CAPN1: variants seen among roughly 807,000 people sequenced by gnomAD.
CAPN1 encodes the protein calpain-1 catalytic subunit.
In CAPN1, 77 loss-of-function variants were observed where a neutral mutation model predicts 105.2. The ratio of observed to expected loss-of-function variants is 0.73; its 90% CI spans 0.61 to 0.88. The LOEUF (loss-of-function observed/expected upper bound fraction) is 0.88. Among genes scored for constraint, CAPN1 ranks in the 40% least tolerant of loss-of-function variants. CAPN1 has a pLI of 0.00. For synonymous variants in CAPN1, 355 were observed against 388.8 expected (o/e 0.91, Z 1.02); for missense variants, 833 against 976.6 (o/e 0.85, Z 1.96).
Position 65,182,693 on chromosome 11 carries a change from T to C in CAPN1, c.-1-8T>C. 2 of 1,543,116 alleles carry C rather than the reference T, an allele frequency of 1.3e-6. No homozygotes were observed. The highest frequency in any genetic ancestry group is 1.2e-5 in the South Asian group (1 of 80,018). On this transcript the variant is annotated splice_region_variant and splice_polypyrimidine_tract_variant and intron_variant, in intron 1 of 21. Coordinates refer to ENST00000279247, the MANE Select transcript of CAPN1 (RefSeq NM_005186.4). Reference sequence around the variant, plus strand: ...CCTGGGTTCTGAGCAGGCCCATCTGTCCGGCAGGATGTCGGAGGAGATCAT... The same window carrying C: ...CCTGGGTTCTGAGCAGGCCCATCTGCCCGGCAGGATGTCGGAGGAGATCAT...
intron 10 of CAPN1, among the ~76,000 whole-genome samples, chr11:65,193,968 T>C (rs1213693751): frequency 7.0e-6 from 1 of 142,804 alleles, no homozygotes; most frequent in Non-Finnish European, 1.5e-5. Context: ...ATTGATTTTT[T>C]TTTTTTTTTT....
chr11:65,210,078 A>G lies in CAPN1; in HGVS notation c.1924A>G (p.Met642Val). 1.2e-6 allele frequency: 2 copies of G among 1,612,332 alleles called. No individual in the cohort carries two copies. The highest frequency in any genetic ancestry group is 1.7e-6 in the Non-Finnish European group (2 of 1,179,690). The change falls in exon 19 of 22, where the codon ATG (methionine) becomes GTG (valine). Residue 642 changes from methionine to valine, a missense_variant. Transcript: ENST00000279247. This position sits in a 1 kb window ranked among gnomAD's most constrained non-coding sequence, Gnocchi z 4.3. ...CAGCATGAGTGCCTACGAGATGCGG[A>G]TGGCCATTGAGTCGGCAGGTGAGAC... ...SGSMSAYEMR[M>V]AIESAGFKLN...
chr11:65,210,919 C>T lies in CAPN1; in HGVS notation c.2118+47C>T, dbSNP rs774612454. The T allele has an allele frequency of 8.0e-6, 12 of 1,499,504 alleles. No individual in the cohort carries two copies. Among genetic ancestry groups the T allele is most frequent in the African/African-American group, 1.4e-5 (1 of 72,530 alleles). 92.9% of individuals were successfully genotyped at this position (1,499,504 alleles called of 1,614,324 possible). A position where few individuals can be genotyped will look rare whatever the true frequency, so the allele number is the denominator to read the frequency against. On this transcript the variant is annotated intron_variant, in intron 21 of 21. Coordinates refer to ENST00000279247, the MANE Select transcript of CAPN1 (RefSeq NM_005186.4). This position sits in a 1 kb window ranked among gnomAD's most constrained non-coding sequence, Gnocchi z 4.3. ...TGGTTGGGGAAGAGTTCCAGGCGATCGAATTTTCTTATCTGGCCAGTGTTC... is the reference window on the plus strand; with the variant it reads ...TGGTTGGGGAAGAGTTCCAGGCGATTGAATTTTCTTATCTGGCCAGTGTTC...
At chr11:65,183,679 C>T in intron 4 of CAPN1, 87 bp downstream of exon 4, 1 of 866,608 alleles carries the variant, frequency 1.2e-6, no homozygotes. Context: ...AGGGCCACAC[C>T]CTGTGGGGCC....
chr11:65,189,870 C>T (rs1054971756), intron 10 of CAPN1, among the ~76,000 whole-genome samples: 1 of 152,182 alleles, frequency 6.6e-6, no homozygotes, highest in African/African-American at 2.4e-5. Context: ...TCGATATCTC[C>T]CCACTGTTAC....
At chr11:65,181,678 T>TCC (rs752786551), upstream of CAPN1, 1 of 272,434 alleles carries the variant, frequency 3.7e-6, no homozygotes, top group Non-Finnish European at 7.5e-6. This position sits in a 1 kb window ranked among gnomAD's most constrained non-coding sequence, Gnocchi z 4.6. Context: ...AGCCCCCCCA[T>TCC]CCCCCCCCGC....
rs368480943 is a variant in CAPN1, at chr11:65,209,850, G to A, written c.1796G>A (p.Arg599His). The change falls in exon 18 of 22, where the codon CGT (arginine) becomes CAT (histidine). Residue 599 changes from arginine (R) to histidine (H), a missense_variant and splice_region_variant. By Grantham distance (29) the Arg-to-His change is conservative (BLOSUM62 0). Coordinates refer to ENST00000279247, the MANE Select transcript of CAPN1 (RefSeq NM_005186.4). This position sits in a 1 kb window ranked among gnomAD's most constrained non-coding sequence, Gnocchi z 4.1. ...SCRSMVNLMDRDGNGKLGLVE... is the reference protein window; with the variant it reads ...SCRSMVNLMDHDGNGKLGLVE... Reference sequence around the variant, plus strand: ...ATTTCCTTCTTAACGGCCACCCAGCGTGATGGCAATGGGAAGCTGGGCCTG... The same window carrying A: ...ATTTCCTTCTTAACGGCCACCCAGCATGATGGCAATGGGAAGCTGGGCCTG... The A allele has an allele frequency of 4.6e-5, 74 of 1,613,584 alleles. No homozygotes were observed. Among genetic ancestry groups the A allele is most frequent in the South Asian group, 2.0e-4 (18 of 91,066 alleles).
In CAPN1 at chr11:65,188,396, G is replaced by A; in HGVS notation, c.930-18G>A. 1 of 1,602,692 alleles carries A rather than the reference G, an allele frequency of 6.2e-7. No individual in the cohort carries two copies. The highest frequency in any genetic ancestry group is 2.3e-5 in the East Asian group (1 of 44,294). On this transcript the variant is annotated intron_variant, in intron 8 of 21. Transcript: ENST00000279247. The surrounding 1 kb of genome is among the most constrained non-coding windows in gnomAD (Gnocchi z 5.5). The stretch of plus-strand genomic sequence containing the variant: ...AGGTCAGTGCCCACCAGCCCTGGCA[G>A]AGCCCTGCTCCTCACAGCTCCTCAG...
At chr11:65,184,921 A>G (rs1029083207) in intron 4 of CAPN1, among the ~76,000 whole-genome samples, 1 of 152,134 alleles carries the variant, frequency 6.6e-6, no homozygotes, top group African/African-American at 2.4e-5. Context: ...TGAGGCTCAG[A>G]GGCGATAACT....
chr11:65,195,328 G>A (rs1038283016), intron 10 of CAPN1, among the ~76,000 whole-genome samples: 1 of 151,932 alleles, frequency 6.6e-6, no homozygotes, highest in African/African-American at 2.4e-5. Flanking sequence ...CAGACCAGCC[G>A]TGTTGGTCAG....
In CAPN1 at chr11:65,206,835, C is replaced by A; in HGVS notation, c.1605+16C>A. ...CCCCGATGAGGTGCGTGGTCCCACC[C>A]CACCAGGCCCCGTCCTCCTCTCTTC... On this transcript the variant is annotated intron_variant, in intron 14 of 21. Transcript: ENST00000279247. 1 of 1,607,294 alleles carries A rather than the reference C, an allele frequency of 6.2e-7. No homozygotes were observed. The highest frequency in any genetic ancestry group is 8.5e-7 in the Non-Finnish European group (1 of 1,176,856).
chr11:65,188,173 C>A lies in CAPN1; in HGVS notation c.929+133C>A. The A allele has an allele frequency of 1.4e-6, 1 of 725,182 alleles. No homozygotes were observed. Among genetic ancestry groups the A allele is most frequent in the South Asian group, 1.9e-5 (1 of 53,428 alleles). The allele number at this position is 725,182 out of a possible 1,614,324, so 44.9% of individuals were successfully genotyped here. On this transcript the variant is annotated intron_variant, in intron 8 of 21. Coordinates refer to ENST00000279247, the MANE Select transcript of CAPN1 (RefSeq NM_005186.4). This position sits in a 1 kb window ranked among gnomAD's most constrained non-coding sequence, Gnocchi z 5.5. The stretch of plus-strand genomic sequence containing the variant: ...GGGGCCCATCTTCGCGCGACTGGGT[C>A]TGGGGGACTGCTCTGACAAAGCTCA...
chr11:65,209,905 C>CA lies in CAPN1; in HGVS notation c.1851_1852insA (p.Arg618ThrfsTer11). 1 of 1,613,690 alleles carries CA rather than the reference C, an allele frequency of 6.2e-7. No homozygotes were observed. Among genetic ancestry groups the CA allele is most frequent in the Non-Finnish European group, 8.5e-7 (1 of 1,179,866 alleles). Reference sequence around the variant, plus strand: ...AGTTCAACATCCTGTGGAACCGCATCCGGAATTACCTGGTAGGTTGTCCCC... The same window carrying CA: ...AGTTCAACATCCTGTGGAACCGCATCACGGAATTACCTGGTAGGTTGTCCCC... On this transcript the variant is annotated frameshift_variant, in exon 18 of 22. Coordinates refer to ENST00000279247, the MANE Select transcript of CAPN1 (RefSeq NM_005186.4). LOFTEE classifies it high-confidence loss of function. This position sits in a 1 kb window ranked among gnomAD's most constrained non-coding sequence, Gnocchi z 4.1.
chr11:65,183,100 G>A (rs746443334), intron 2 of CAPN1, 28 bp from the exon 3 acceptor site: 42 of 1,613,154 alleles, frequency 2.6e-5, no homozygotes, highest in Non-Finnish European at 3.3e-5. Flanking sequence ...GGGGCTGGCC[G>A]AGGAACAGGA....
rs1949037167 is a variant in CAPN1, at chr11:65,210,810, A to G, written c.2060-4A>G. 1 of 1,613,060 alleles carries G rather than the reference A, an allele frequency of 6.2e-7. No homozygotes were observed. Among genetic ancestry groups the G allele is most frequent in the Non-Finnish European group, 8.5e-7 (1 of 1,179,246 alleles). ...CCCTGTATCACCTTTTCTTGAACAC[A>G]CAGGATTTTTCAAAACTCTGGACAC... On this transcript the variant is annotated splice_region_variant and splice_polypyrimidine_tract_variant and intron_variant, in intron 20 of 21. Coordinates refer to ENST00000279247, the MANE Select transcript of CAPN1 (RefSeq NM_005186.4). The surrounding 1 kb of genome is among the most constrained non-coding windows in gnomAD (Gnocchi z 4.3).
At chr11:65,184,046 G>A (rs1393854705) in intron 4 of CAPN1, among the ~76,000 whole-genome samples, 3 of 152,104 alleles carry the variant, frequency 2.0e-5, no homozygotes, top group Admixed American at 1.3e-4. Context: ...TTAAGTCTAC[G>A]TAAACCAGCT....
At chr11:65,183,229 T>C (rs750749257) in intron 3 of CAPN1, 32 bp downstream of exon 3, 1 of 1,600,940 alleles carries the variant, frequency 6.2e-7, no homozygotes, top group Non-Finnish European at 8.6e-7. Flanking sequence ...TCCCGGGTAT[T>C]TTTTCCACAG....
At position 65,200,932 on chromosome 11, in the gene CAPN1, CTTTTTTTTTTTTTTTTT is replaced by C. The variant is rs56897147; in HGVS notation, c.1166-3737_1166-3721del. On this transcript the variant is annotated intron_variant, in intron 10 of 21. Coordinates refer to ENST00000279247, the MANE Select transcript of CAPN1 (RefSeq NM_005186.4). Reference sequence around the variant, plus strand: ...TACAGATCCATGCCACCATGCCTGGCTTTTTTTTTTTTTTTTTTTTTTTTTTTTTTGAGACGGAGTCT... The same window carrying C: ...TACAGATCCATGCCACCATGCCTGGCTTTTTTTTTTTTTGAGACGGAGTCT... 4.7e-4 allele frequency among the ~76,000 whole-genome samples: 23 copies of C among 49,458 alleles called. No individual in the cohort carries two copies. In the South Asian group the frequency reaches 9.7e-3, roughly 21 times the overall value. The allele number at this position is 49,458 out of a possible 152,430, so 32.4% of individuals were successfully genotyped here.
chr11:65,182,413 G>A (rs1254669767), intron 1 of CAPN1: 3 of 397,110 alleles, frequency 7.6e-6, no homozygotes, highest in African/African-American at 2.0e-5. Flanking sequence ...GCTCCGCCCT[G>A]CCCCACCTGA....
Sources: gnomAD v4.1 joint callset for allele counts (sites outside exome capture counted in the v4.1 genomes callset) on GRCh38, gnomAD v4.1.1 for gene constraint, Gnocchi (gnomAD v3.1) non-coding constraint, MANE v1.5 for transcripts, NCBI Gene and HGNC (gene_info 2026-07-23, HGNC 2026-07-21) for gene names.